SDF4: variants seen among roughly 807,000 people sequenced by gnomAD.
SDF4 encodes the protein stromal cell derived factor 4, also known as 45 kDa calcium-binding protein.
SDF4 carries 22 observed loss-of-function variants against 34.2 expected under a neutral mutation model. That is an observed-to-expected ratio of 0.64 (90% CI 0.46 to 0.92). The LOEUF is 0.92. Among genes scored for constraint, SDF4 ranks in the 40% least tolerant of loss-of-function variants. The pLI is 0.00. For missense variants in SDF4, 447 were observed against 499.9 expected (o/e 0.89, Z 1.01); for synonymous variants, 236 against 203.1 (o/e 1.16, Z -1.38).
intron 2 of SDF4, among the ~76,000 whole-genome samples, chr1:1,225,495 C>G (rs189722720): frequency 2.0e-5 from 3 of 152,208 alleles, no homozygotes; most frequent in Non-Finnish European, 4.4e-5. Context: ...GCCAGGCTGC[C>G]GCTCACACGC....
chr1:1,219,050 C>A, intron 4 of SDF4, 123 bp from the exon 5 acceptor site: 2 of 1,591,260 alleles, frequency 1.3e-6, no homozygotes, highest in South Asian at 1.1e-5. Context: ...GGGCCCCACC[C>A]TCCAGGATTC....
chr1:1,220,100 G>A (rs907410766), intron 4 of SDF4: 20 of 986,104 alleles, frequency 2.0e-5, no homozygotes, highest in Admixed American at 1.2e-4. Flanking sequence ...GCCGAGAGAC[G>A]CTTTCTCCAG....
intron 2 of SDF4, among the ~76,000 whole-genome samples, chr1:1,224,349 T>G (rs112733189): frequency 0.11 from 17,443 of 152,214 alleles, 1,143 homozygotes; most frequent in East Asian, 0.17. Flanking sequence ...GCGCAATCTT[T>G]GCTCACTGCA....
At chr1:1,224,791 G>A (rs899296234) in intron 2 of SDF4, among the ~76,000 whole-genome samples, 26 of 152,300 alleles carry the variant, frequency 1.7e-4, no homozygotes, top group Admixed American at 1.6e-3. Flanking sequence ...GCGTGCACCT[G>A]TGGTTTCAGC....
In SDF4 at chr1:1,223,336, T is replaced by C. The variant is rs764979172; in HGVS notation, c.464A>G (p.Tyr155Cys). The change falls in exon 4 of 7, where the codon TAT (tyrosine) becomes TGT (cysteine). Residue 155 changes from tyrosine (Y) to cysteine (C), a missense_variant. Coordinates refer to ENST00000360001, the MANE Select transcript of SDF4 (RefSeq NM_016176.6). ...DGDGHVSWDE[Y>C]KVKFLASKGH... ...TTTACTCGCCAAAAACTTCACCTTA[T>C]ACTCGTCCCAAGACACGTGACCTGG... 2 of 1,613,154 alleles carry C rather than the reference T, an allele frequency of 1.2e-6. No individual in the cohort carries two copies. Among genetic ancestry groups the C allele is most frequent in the Non-Finnish European group, 1.7e-6 (2 of 1,179,424 alleles).
chr1:1,227,048 T>G (rs1332227819), intron 2 of SDF4, among the ~76,000 whole-genome samples: 1 of 152,156 alleles, frequency 6.6e-6, no homozygotes, highest in Non-Finnish European at 1.5e-5. Flanking sequence ...ACACCACACC[T>G]GGTGCCCAGG....
Position 1,223,284 on chromosome 1 carries a change from G to A in SDF4, c.516C>T (p.Asp172=), listed in dbSNP as rs145407954. The change falls in exon 4 of 7, where the codon GAC becomes GAT. Residue 172 remains aspartate (D), a synonymous_variant. Coordinates refer to ENST00000360001, the MANE Select transcript of SDF4 (RefSeq NM_016176.6). ...SKGHSEKEVA[D]AIRLNEELKV... ...TGAGTTCCTCGTTGAGCCTGATGGCGTCGGCAACCTCCTTCTCGCTATGGC... is the reference window on the plus strand; with the variant it reads ...TGAGTTCCTCGTTGAGCCTGATGGCATCGGCAACCTCCTTCTCGCTATGGC... 5.1e-4 allele frequency: 823 copies of A among 1,613,972 alleles called. 1 individual carries two copies. The highest frequency in any genetic ancestry group is 8.2e-4 in the South Asian group (75 of 91,088).
At chr1:1,227,935 C>T (rs1333423626) in intron 2 of SDF4, among the ~76,000 whole-genome samples, 2 of 152,162 alleles carry the variant, frequency 1.3e-5, no homozygotes, top group Non-Finnish European at 2.9e-5. Context: ...ACCAGGCCAG[C>T]AAAACAAGCC....
chr1:1,219,350 CAGGA>C, intron 4 of SDF4: 1 of 1,112,704 alleles, frequency 9.0e-7, no homozygotes. Context: ...CAGACCACCC[CAGGA>C]CACAGCTCAG....
chr1:1,219,570 C>A, intron 4 of SDF4: 1 of 988,738 alleles, frequency 1.0e-6, no homozygotes, highest in Non-Finnish European at 1.2e-6. Flanking sequence ...GAGACTGGGG[C>A]TGAGCAGAGC....
chr1:1,218,873 G>A lies in SDF4; in HGVS notation c.611C>T (p.Pro204Leu). Residue 204 changes from proline (P) to leucine (L), a missense_variant, in exon 5 of 7, where the codon CCT (proline) becomes CTT (leucine). By Grantham distance (98) the Pro-to-Leu change is moderately conservative. Coordinates refer to ENST00000360001, the MANE Select transcript of SDF4 (RefSeq NM_016176.6). The surrounding 1 kb of genome is among the most constrained non-coding windows in gnomAD (Gnocchi z 7.9). ...KDRWYQADSP[P>L]ADLLLTEEEF... ...CTCCTCCGTCAGCAGCAGGTCTGCA[G>A]GGGGGCTGTCCGCCTGGTACCAGCG... is the stretch of plus-strand genomic sequence containing the variant. The A allele has an allele frequency of 1.3e-6, 2 of 1,598,436 alleles. No individual in the cohort carries two copies. The highest frequency in any genetic ancestry group is 1.7e-6 in the Non-Finnish European group (2 of 1,169,788).
chr1:1,217,622 C>T lies in SDF4; in HGVS notation c.958G>A (p.Asp320Asn), dbSNP rs1460865899. 1.9e-6 allele frequency: 3 copies of T among 1,613,668 alleles called. No individual in the cohort carries two copies. Among genetic ancestry groups the T allele is most frequent in the African/African-American group, 1.3e-5 (1 of 74,902 alleles). ...TCCAGGTGGTGGTTCTGGTTCTCGT[C>T]GGCGACGGCGATCATCTGCTTGGCC... Reference protein sequence around the residue: ...NEAKQMIAVADENQNHHLEPE... With the variant: ...NEAKQMIAVANENQNHHLEPE... Residue 320 changes from aspartate (D) to asparagine (N), a missense_variant, in exon 7 of 7, where the codon GAC becomes AAC. Physicochemically the swap from Asp to Asn is conservative, Grantham distance 23. Transcript: ENST00000360001. The surrounding 1 kb of genome is among the most constrained non-coding windows in gnomAD (Gnocchi z 8.5).
intron 1 of SDF4, among the ~76,000 whole-genome samples, chr1:1,229,212 A>G (rs1209924710): frequency 6.6e-6 from 1 of 152,036 alleles, no homozygotes; most frequent in Non-Finnish European, 1.5e-5. Context: ...ATTTTTAGAA[A>G]CAGGGTCTTG....
intron 4 of SDF4, chr1:1,219,902 C>T (rs749806373): frequency 1.8e-4 from 177 of 985,666 alleles, no homozygotes; most frequent in Middle Eastern, 5.2e-4. Flanking sequence ...GCCCAGCTGC[C>T]GTCCCATCTT....
intron 4 of SDF4, among the ~76,000 whole-genome samples, chr1:1,222,297 G>A (rs575972709): frequency 6.6e-6 from 1 of 152,366 alleles, no homozygotes; most frequent in Admixed American, 6.5e-5. Context: ...AGGGGCTTCT[G>A]CCTGGACGGC....
intron 1 of SDF4, among the ~76,000 whole-genome samples, chr1:1,229,401 C>T (rs775006603): frequency 2.6e-5 from 4 of 152,206 alleles, no homozygotes; most frequent in African/African-American, 7.2e-5. Context: ...TTTGTAGAGA[C>T]GGGTCTCGCT....
At chr1:1,226,165 T>C (rs1357255526) in intron 2 of SDF4, among the ~76,000 whole-genome samples, 2 of 152,212 alleles carry the variant, frequency 1.3e-5, no homozygotes, top group African/African-American at 4.8e-5. Context: ...CGGCAGCTAT[T>C]GCACTGGGGC....
chr1:1,223,116 C>T (rs889207708), intron 4 of SDF4, 128 bp downstream of exon 4: 5 of 695,040 alleles, frequency 7.2e-6, no homozygotes, highest in African/African-American at 7.0e-5. Context: ...GGCACGCACA[C>T]ACGTACTCAC....
chr1:1,226,533 G>A lies in SDF4; in HGVS notation c.305+1935C>T, dbSNP rs977932720. On this transcript the variant is annotated intron_variant, in intron 2 of 6. Transcript: ENST00000360001. ...TCTGAGACACCGTTCCAGCCCAGAG[G>A]AGACAGAGGAGACAGGACAGCTGAG... 4.6e-5 allele frequency among the ~76,000 whole-genome samples: 7 copies of A among 152,218 alleles called. No homozygotes were observed. In the South Asian group the frequency reaches 6.2e-4, roughly 14 times the overall value.
Sources: gnomAD v4.1 joint callset for allele counts (sites outside exome capture counted in the v4.1 genomes callset) on GRCh38, gnomAD v4.1.1 for gene constraint, Gnocchi (gnomAD v3.1) non-coding constraint, MANE v1.5 for transcripts, NCBI Gene and HGNC (gene_info 2026-07-23, HGNC 2026-07-21) for gene names.